The following TPGS2 variants were observed in gnomAD, a reference collection of about 807,000 sequenced individuals.
The protein encoded by TPGS2 is tubulin polyglutamylase complex subunit 2.
A neutral mutation model predicts 31.1 loss-of-function variants in TPGS2; 26 were observed. That is an observed-to-expected ratio of 0.84 (90% CI 0.61 to 1.16). The LOEUF (loss-of-function observed/expected upper bound fraction) is 1.16. Among genes scored for constraint, TPGS2 ranks in the 50% most tolerant of loss-of-function variants. The pLI is 0.00. For missense variants in TPGS2, 351 were observed against 363.8 expected (o/e 0.96, Z 0.29); for synonymous variants, 130 against 136.6 (o/e 0.95, Z 0.34).
At chr18:36,805,051 A>T (rs1274815227) in intron 4 of TPGS2, among the ~76,000 whole-genome samples, 2 of 152,214 alleles carry the variant, frequency 1.3e-5, no homozygotes, top group Non-Finnish European at 2.9e-5. Context: ...TGCTATTTAA[A>T]CATTGTAACT....
chr18:36,791,959 T>C (rs558013103), downstream of TPGS2, among the ~76,000 whole-genome samples: 16 of 147,012 alleles, frequency 1.1e-4, no homozygotes, highest in African/African-American at 4.1e-4. Context: ...GCCCAGGAAG[T>C]CAAGGCTGCA....
At chr18:36,803,821 A>C (rs533824230) in intron 4 of TPGS2, among the ~76,000 whole-genome samples, 1 of 152,132 alleles carries the variant, frequency 6.6e-6, no homozygotes, top group Non-Finnish European at 1.5e-5. Flanking sequence ...ATGTTGTCTT[A>C]AATCTCCTTA....
intron 2 of TPGS2, among the ~76,000 whole-genome samples, chr18:36,815,581 T>A (rs1810971692): frequency 6.6e-6 from 1 of 151,846 alleles, no homozygotes; most frequent in Admixed American, 6.6e-5. Flanking sequence ...ACACCAGCTG[T>A]GGTTATGTCT....
At chr18:36,823,629 T>C (rs997794158) in intron 1 of TPGS2, among the ~76,000 whole-genome samples, 3 of 150,470 alleles carry the variant, frequency 2.0e-5, no homozygotes, top group Non-Finnish European at 3.0e-5. Context: ...CCCGGCTAAT[T>C]TTTTGTATTT....
rs764319917 is a variant in TPGS2 at position 36,805,477 on chromosome 18, C to T, written c.279G>A (p.Met93Ile). 6.2e-6 allele frequency: 10 copies of T among 1,614,038 alleles called. No individual in the cohort carries two copies. The South Asian group carries it at 9.9e-5, about 16-fold the overall frequency. Residue 93 changes from methionine (M) to isoleucine (I), a missense_variant, in exon 4 of 7, where the codon ATG (methionine) becomes ATA (isoleucine). By Grantham distance (10) the Met-to-Ile change is conservative. Transcript: ENST00000334295. Reference protein sequence around the residue: ...LDEHIIPLGSMAINSISKLTQ... With the variant: ...LDEHIIPLGSIAINSISKLTQ... The stretch of plus-strand genomic sequence containing the variant: ...TCAGTTTTGAGATGCTGTTAATTGC[C>T]ATGCTTCCCAGTGGAATGATGTGCT...
intron 6 of TPGS2, among the ~76,000 whole-genome samples, chr18:36,787,835 A>G (rs996763316): frequency 1.3e-5 from 2 of 152,248 alleles, no homozygotes; most frequent in African/African-American, 4.8e-5. Flanking sequence ...CAGAAATGCC[A>G]CCTCAATAGA....
chr18:36,815,769 G>A (rs1271483770), intron 2 of TPGS2, among the ~76,000 whole-genome samples: 1 of 152,126 alleles, frequency 6.6e-6, no homozygotes, highest in Non-Finnish European at 1.5e-5. Context: ...GCCCCGACAT[G>A]CCAAACTCAG....
In TPGS2 at chr18:36,796,457, G is replaced by A; in HGVS notation, c.*348C>T. The A allele has an allele frequency of 1.9e-6, 2 of 1,054,294 alleles. No homozygotes were observed. The highest frequency in any genetic ancestry group is 4.5e-5 in the South Asian group (1 of 22,364). 65.3% of individuals were successfully genotyped at this position (1,054,294 alleles called of 1,614,324 possible). A position where few individuals can be genotyped will look rare whatever the true frequency, so the allele number is the denominator to read the frequency against. On this transcript the variant is annotated 3_prime_UTR_variant, in exon 7 of 7. Transcript: ENST00000334295. ...CCTGAATGAACAATGCAGTTCTAAT[G>A]CTTCATGGGTCAAAACCAGTGGTTT...
chr18:36,825,839 G>A (rs891233136), intron 1 of TPGS2, among the ~76,000 whole-genome samples: 1 of 152,188 alleles, frequency 6.6e-6, no homozygotes, highest in Non-Finnish European at 1.5e-5. Context: ...AGAGACAGTT[G>A]AGATTTTGAT....
intron 4 of TPGS2, among the ~76,000 whole-genome samples, chr18:36,804,436 A>G (rs2045007748): frequency 6.6e-6 from 1 of 152,180 alleles, no homozygotes; most frequent in Non-Finnish European, 1.5e-5. Context: ...CCATACATAT[A>G]AAGACAGTGA....
rs2044151857 is a variant in TPGS2, at chr18:36,787,148, T to C, written c.658-4017A>G. 3.2e-6 allele frequency: 4 copies of C among 1,231,216 alleles called. No homozygotes were observed. In the South Asian group the frequency reaches 1.3e-4, roughly 38 times the overall value. 76.3% of individuals were successfully genotyped at this position (1,231,216 alleles called of 1,614,324 possible). A position where few individuals can be genotyped will look rare whatever the true frequency, so the allele number is the denominator to read the frequency against. ...TTTAAAGATATTCCAGAGGCATGCATAGCATGTTACAGGTAGCACATTAAA... is the reference window on the plus strand; with the variant it reads ...TTTAAAGATATTCCAGAGGCATGCACAGCATGTTACAGGTAGCACATTAAA... On this transcript the variant is annotated intron_variant, in intron 6 of 6. Coordinates refer to the TPGS2 transcript ENST00000587129.
At position 36,802,776 on chromosome 18, in the gene TPGS2, C is replaced by T. The variant is rs543958029; in HGVS notation, c.383-2465G>A. On this transcript the variant is annotated intron_variant, in intron 4 of 6. Coordinates refer to ENST00000334295, the MANE Select transcript of TPGS2 (RefSeq NM_015476.4). ...CCGAGTAGCTGGAATTACAGGTGCC[C>T]GCCACCACGCCTGGCTAATTTTTGT... Among the ~76,000 whole-genome samples the T allele has an allele frequency of 9.4e-3, 1,433 of 151,970 alleles. 13 individuals are homozygous for T. Among genetic ancestry groups the T allele is most frequent in the Middle Eastern group, 0.038 (11 of 292 alleles).
intron 1 of TPGS2, among the ~76,000 whole-genome samples, chr18:36,826,443 G>GT (rs1568036800): frequency 1.7e-4 from 20 of 119,398 alleles, no homozygotes; most frequent in South Asian, 2.7e-4. Flanking sequence ...TGTGTGTGTG[G>GT]ATTCCTTAGG....
At chr18:36,793,317 A>G (rs1006799314), downstream of TPGS2, among the ~76,000 whole-genome samples, 1 of 152,170 alleles carries the variant, frequency 6.6e-6, no homozygotes, top group African/African-American at 2.4e-5. Flanking sequence ...ACTCCATTGG[A>G]CCCATGATGT....
intron 1 of TPGS2, among the ~76,000 whole-genome samples, chr18:36,826,340 A>G (rs2046132585): frequency 6.6e-6 from 1 of 151,108 alleles, no homozygotes; most frequent in South Asian, 2.1e-4. Context: ...TATTCTTTTC[A>G]ATACTATTGT....
In TPGS2 at chr18:36,806,720, A is replaced by G. The variant is rs1313666; in HGVS notation, c.253+1127T>C. On this transcript the variant is annotated intron_variant, in intron 3 of 6. Coordinates refer to ENST00000334295, the MANE Select transcript of TPGS2 (RefSeq NM_015476.4). ...ACAAAAATTAGCCGGGTGTGGTGGC[A>G]CATGCCTGTAATCCCAGCTACTCAG... Among the ~76,000 whole-genome samples the G allele has an allele frequency of 8.8e-3, 1,332 of 151,922 alleles. 11 individuals are homozygous for G. The highest frequency in any genetic ancestry group is 0.01 in the Non-Finnish European group (703 of 67,942).
At chr18:36,800,141 C>G in intron 5 of TPGS2, 57 bp downstream of exon 5, 2 of 1,492,664 alleles carry the variant, frequency 1.3e-6, no homozygotes, top group Non-Finnish European at 1.9e-6. Flanking sequence ...GGCTGACAAG[C>G]AAGGTCAGGC....
In TPGS2 at chr18:36,794,969, C is replaced by G. The variant is rs570224312; in HGVS notation, c.*1836G>C. On this transcript the variant is annotated 3_prime_UTR_variant, in exon 7 of 7. Transcript: ENST00000334295. Reference sequence around the variant, plus strand: ...CGCTATTTTAAAGCAAATGAAGAAGCTGTTAATACGAAGCTCAGTTTATGC... The same window carrying G: ...CGCTATTTTAAAGCAAATGAAGAAGGTGTTAATACGAAGCTCAGTTTATGC... The G allele has an allele frequency of 7.1e-6, 7 of 984,914 alleles. No individual in the cohort carries two copies. Among genetic ancestry groups the G allele is most frequent in the Non-Finnish European group, 8.4e-6 (7 of 829,918 alleles). The allele number at this position is 984,914 out of a possible 1,614,324, so 61.0% of individuals were successfully genotyped here.
intron 3 of TPGS2, chr18:36,807,561 G>A (rs979954361): frequency 1.7e-5 from 7 of 415,034 alleles, no homozygotes; most frequent in Admixed American, 1.3e-4. Context: ...AGGTGGCTAG[G>A]GTTTTTTATG....
Sources: allele counts gnomAD v4.1 joint callset (sites outside exome capture counted in the v4.1 genomes callset), GRCh38; gene constraint gnomAD v4.1.1; transcripts MANE v1.5; gene names NCBI Gene and HGNC (gene_info 2026-07-23, HGNC 2026-07-21).